Variants in CAVIN1 observed in about 807,000 individuals in gnomAD.
CAVIN1 encodes the protein caveolae-associated protein 1.
In CAVIN1, 16 loss-of-function variants were observed where a neutral mutation model predicts 24.0. The observed-to-expected ratio is 0.67, with a 90% confidence interval of 0.45 to 1.01. The LOEUF (loss-of-function observed/expected upper bound fraction) is 1.01. Among genes scored for constraint, CAVIN1 ranks in the 50% least tolerant of loss-of-function variants. The pLI is 0.00. For synonymous variants in CAVIN1, 256 were observed against 256.4 expected, an observed-to-expected ratio of 1.00 and a Z score of 0.02; for missense variants, 510 against 551.7, an observed-to-expected ratio of 0.92 and a Z score of 0.76.
chr17:42,411,784 T>A, intron 1 of CAVIN1: 2 of 985,428 alleles, frequency 2.0e-6, no homozygotes, highest in Non-Finnish European at 2.4e-6. Context: ...CGGGTGCAGC[T>A]TAAGTGTGGG....
At position 42,402,586 on chromosome 17, in the gene CAVIN1, C is replaced by T. The variant is rs1013302393; in HGVS notation, c.*2101G>A. 2.0e-5 allele frequency: 3 copies of T among 152,046 alleles called. No individual in the cohort carries two copies. The highest frequency in any genetic ancestry group is 2.9e-5 in the Non-Finnish European group (2 of 68,032). 9.4% of individuals were successfully genotyped at this position (152,046 alleles called of 1,614,324 possible). A position where few individuals can be genotyped will look rare whatever the true frequency, so the allele number is the denominator to read the frequency against. ...GCCATCAGCACCAAGGGACCTTGTC[C>T]CACAATCCCCAACCTCCCTCGGCAG... is the stretch of plus-strand genomic sequence containing the variant. On this transcript the variant is annotated 3_prime_UTR_variant, in exon 2 of 2. Transcript: ENST00000357037.
At chr17:42,417,911 C>T (rs894848404) in intron 1 of CAVIN1, among the ~76,000 whole-genome samples, 34 of 152,104 alleles carry the variant, frequency 2.2e-4, no homozygotes, top group African/African-American at 8.0e-4. Flanking sequence ...CTACCTGCCT[C>T]GGCCTCCCAA....
At chr17:42,417,529 A>G (rs908007162) in intron 1 of CAVIN1, among the ~76,000 whole-genome samples, 1 of 152,042 alleles carries the variant, frequency 6.6e-6, no homozygotes, top group Non-Finnish European at 1.5e-5. Flanking sequence ...AGCCATCATA[A>G]TGTGTTAGTG....
intron 1 of CAVIN1, among the ~76,000 whole-genome samples, chr17:42,410,849 G>A (rs866667038): frequency 3.0e-5 from 4 of 133,266 alleles, no homozygotes; most frequent in African/African-American, 5.7e-5. Context: ...AGCCGAGATC[G>A]TGCCACTGTA....
At chr17:42,412,327 A>T (rs2085484094) in intron 1 of CAVIN1, 3 of 980,034 alleles carry the variant, frequency 3.1e-6, no homozygotes, top group Non-Finnish European at 3.6e-6. Flanking sequence ...CCTTGGTGGC[A>T]TGCAGAGTAG....
intron 1 of CAVIN1, 40 bp downstream of exon 1, chr17:42,422,587 G>T (rs1351743766): frequency 6.7e-7 from 1 of 1,493,958 alleles, no homozygotes; most frequent in South Asian, 1.2e-5. Flanking sequence ...ACGCGGGCCG[G>T]GCGCGGGAGC....
chr17:42,405,362 C>T lies in CAVIN1; in HGVS notation c.498G>A (p.Leu166=). 1 of 1,606,990 alleles carries T rather than the reference C, an allele frequency of 6.2e-7. No individual in the cohort carries two copies. Among genetic ancestry groups the T allele is most frequent in the East Asian group, 2.2e-5 (1 of 44,858 alleles). ...ACTCTTTCAGCGATTTGCTGATGCTCAGTTTGGCCGGCAGCTTCACTTCAT... is the reference window on the plus strand; with the variant it reads ...ACTCTTTCAGCGATTTGCTGATGCTTAGTTTGGCCGGCAGCTTCACTTCAT... The part of the protein sequence containing the change: ...YQDEVKLPAK[L]SISKSLKESE... The change falls in exon 2 of 2, where the codon CTG becomes CTA. Residue 166 remains leucine (L), a synonymous_variant. Coordinates refer to ENST00000357037, the MANE Select transcript of CAVIN1 (RefSeq NM_012232.6).
rs543568832 is a variant in CAVIN1 at position 42,411,898 on chromosome 17, G to A, written c.472-6510C>T. 3.6e-5 allele frequency: 35 copies of A among 985,328 alleles called. No homozygotes were observed. The East Asian group carries it at 1.4e-3, about 38-fold the overall frequency. 61.0% of individuals were successfully genotyped at this position (985,328 alleles called of 1,614,324 possible). On this transcript the variant is annotated intron_variant, in intron 1 of 1. Transcript: ENST00000357037. The stretch of plus-strand genomic sequence containing the variant: ...CCCATTCTCCTGAACTTTGCATAAC[G>A]CCAGTGTTCTCACAGTACCCGGCAC...
chr17:42,410,038 A>AC (rs950817076), intron 1 of CAVIN1, among the ~76,000 whole-genome samples: 1 of 151,514 alleles, frequency 6.6e-6, no homozygotes, highest in Non-Finnish European at 1.5e-5. Flanking sequence ...CTTCCACTCC[A>AC]CCCCCCAACC....
At position 42,413,566 on chromosome 17, in the gene CAVIN1, G is replaced by GAAAAAAAAA. The variant is rs60085741; in HGVS notation, c.472-8187_472-8179dup. Reference sequence around the variant, plus strand: ...AGAGCAAAAGTCTGTCTCAAAAAGGGAAAAAAAAAAAAAAAAAAAAAAAAA... The same window carrying GAAAAAAAAA: ...AGAGCAAAAGTCTGTCTCAAAAAGGGAAAAAAAAAAAAAAAAAAAAAAAAAAAAAAAAAA... On this transcript the variant is annotated intron_variant, in intron 1 of 1. Coordinates refer to ENST00000357037, the MANE Select transcript of CAVIN1 (RefSeq NM_012232.6). Among the ~76,000 whole-genome samples, 109 of 56,904 alleles carry GAAAAAAAAA rather than the reference G, an allele frequency of 1.9e-3. 6 individuals carry two copies. Among genetic ancestry groups the GAAAAAAAAA allele is most frequent in the East Asian group, 6.3e-3 (9 of 1,430 alleles). 37.3% of individuals were successfully genotyped at this position (56,904 alleles called of 152,430 possible).
intron 1 of CAVIN1, among the ~76,000 whole-genome samples, chr17:42,414,165 T>G (rs1022598416): frequency 2.6e-4 from 39 of 152,236 alleles, no homozygotes; most frequent in African/African-American, 9.1e-4. Flanking sequence ...CCTCCCAAAG[T>G]GCTGGGATTA....
Position 42,423,228 on chromosome 17 carries a change from C to T in CAVIN1, c.-131G>A. The T allele has an allele frequency of 1.4e-6, 1 of 733,232 alleles. No homozygotes were observed. 45.4% of individuals were successfully genotyped at this position (733,232 alleles called of 1,614,324 possible). The stretch of plus-strand genomic sequence containing the variant: ...AGAGCAGAGGAAACTCGAGCCACGT[C>T]CGTGCGCACCGGGACAGCGGCCAGA... On this transcript the variant is annotated 5_prime_UTR_variant, in exon 1 of 2. Transcript: ENST00000357037.
Position 42,404,150 on chromosome 17 carries a change from GCT to G in CAVIN1, c.*535_*536del, listed in dbSNP as rs147299853. 4.3e-3 allele frequency: 652 copies of G among 153,358 alleles called. 1 individual carries two copies. Among genetic ancestry groups the G allele is most frequent in the Non-Finnish European group, 6.6e-3 (455 of 68,748 alleles). 9.5% of individuals were successfully genotyped at this position (153,358 alleles called of 1,614,324 possible). A position where few individuals can be genotyped will look rare whatever the true frequency, so the allele number is the denominator to read the frequency against. On this transcript the variant is annotated 3_prime_UTR_variant, in exon 2 of 2. Transcript: ENST00000357037. ...CCCAGCCAGGGTGAGGGCTCATTCT[GCT>G]CTGTCTTCCCCACTGCCTCAGTTTC...
intron 1 of CAVIN1, among the ~76,000 whole-genome samples, chr17:42,415,876 C>T (rs887343902): frequency 3.9e-5 from 6 of 152,140 alleles, no homozygotes; most frequent in Non-Finnish European, 5.9e-5. Flanking sequence ...AATAATATCC[C>T]CTCCCCTCTT....
In CAVIN1 at chr17:42,403,004, C is replaced by T. The variant is rs1317444291; in HGVS notation, c.*1683G>A. The stretch of plus-strand genomic sequence containing the variant: ...ACCCGCAAAGATTCAGGAAAAGCAC[C>T]CCAAGGACAAGGAAACCAATGAGGT... On this transcript the variant is annotated 3_prime_UTR_variant, in exon 2 of 2. Coordinates refer to ENST00000357037, the MANE Select transcript of CAVIN1 (RefSeq NM_012232.6). 6.6e-6 allele frequency: 1 copy of T among 152,458 alleles called. No individual in the cohort carries two copies. The highest frequency in any genetic ancestry group is 2.4e-5 in the African/African-American group (1 of 41,442). 9.4% of individuals were successfully genotyped at this position (152,458 alleles called of 1,614,324 possible).
intron 1 of CAVIN1, among the ~76,000 whole-genome samples, chr17:42,409,511 G>A (rs1398880824): frequency 6.6e-6 from 1 of 152,152 alleles, no homozygotes; most frequent in Non-Finnish European, 1.5e-5. Context: ...TACACCATAG[G>A]AGCTGCCTTC....
intron 1 of CAVIN1, among the ~76,000 whole-genome samples, chr17:42,409,548 C>T (rs762112037): frequency 5.3e-4 from 80 of 152,178 alleles, no homozygotes; most frequent in Non-Finnish European, 8.2e-4. Context: ...GGACAGGAGA[C>T]GAAACAACTT....
chr17:42,420,197 C>A (rs1379755572), intron 1 of CAVIN1, among the ~76,000 whole-genome samples: 1 of 152,166 alleles, frequency 6.6e-6, no homozygotes, highest in Non-Finnish European at 1.5e-5. Flanking sequence ...TTCTCCAAAT[C>A]TCTGTCTCTT....
Position 42,411,196 on chromosome 17 carries a change from A to AAAAAAAACAAAC in CAVIN1, c.472-5809_472-5808insGTTTGTTTTTTT, listed in dbSNP as rs1555586965. Among the ~76,000 whole-genome samples, 92 of 145,808 alleles carry AAAAAAAACAAAC rather than the reference A, an allele frequency of 6.3e-4. 8 individuals carry two copies. Among genetic ancestry groups the AAAAAAAACAAAC allele is most frequent in the African/African-American group, 2.3e-3 (91 of 39,872 alleles). On this transcript the variant is annotated intron_variant, in intron 1 of 1. Transcript: ENST00000357037. ...TGACAGAGTAGGACTATGTCTCAAAAAAAAAAAAAAAAACTAAAAGGTCTG... is the reference window on the plus strand; with the variant it reads ...TGACAGAGTAGGACTATGTCTCAAAAAAAAAAACAAACAAAAAAAAAAAAACTAAAAGGTCTG...
Sources: gnomAD v4.1 joint callset for allele counts (sites outside exome capture counted in the v4.1 genomes callset) on GRCh38, gnomAD v4.1.1 for gene constraint, MANE v1.5 for transcripts, NCBI Gene and HGNC (gene_info 2026-07-23, HGNC 2026-07-21) for gene names.